The following POU6F2 variants were observed in gnomAD, a reference collection of about 807,000 sequenced individuals.
POU6F2 encodes POU class 6 homeobox 2, also known as POU domain, class 6, transcription factor 2.
Under a neutral mutation model 71.3 loss-of-function variants are expected in POU6F2, and 31 were observed. That is an observed-to-expected ratio of 0.43 (90% CI 0.33 to 0.59). POU6F2 has a LOEUF of 0.59. Ranked by LOEUF, POU6F2 falls within the 20% of genes least tolerant of loss-of-function variation. POU6F2 has a pLI of 0.04. For synonymous variants in POU6F2, 347 were observed against 355.7 expected (o/e 0.98, Z 0.27); for missense variants, 783 against 856.8 (o/e 0.91, Z 1.07).
In POU6F2 at chr7:39,406,594, T is replaced by G; in HGVS notation, c.973-6T>G. 3 of 1,612,406 alleles carry G rather than the reference T, an allele frequency of 1.9e-6. No homozygotes were observed. The highest frequency in any genetic ancestry group is 2.5e-6 in the Non-Finnish European group (3 of 1,179,680). ...GTTTTCACGGTGATCTTTTCTCTCTTTGCAGCTGGTTAATAATCCACTAGC... is the reference window on the plus strand; with the variant it reads ...GTTTTCACGGTGATCTTTTCTCTCTGTGCAGCTGGTTAATAATCCACTAGC... On this transcript the variant is annotated splice_polypyrimidine_tract_variant and splice_region_variant and intron_variant, in intron 5 of 9. Coordinates refer to ENST00000518318, the MANE Select transcript of POU6F2 (RefSeq NM_001370959.1).
chr7:39,105,321 T>C (rs920410904), intron 2 of POU6F2, among the ~76,000 whole-genome samples: 7 of 152,200 alleles, frequency 4.6e-5, no homozygotes, highest in African/African-American at 1.7e-4. Flanking sequence ...GTTGGTGTGT[T>C]TGAAGATATT....
At chr7:39,186,408 G>C (rs1284280586) in intron 2 of POU6F2, among the ~76,000 whole-genome samples, 1 of 152,136 alleles carries the variant, frequency 6.6e-6, no homozygotes, top group African/African-American at 2.4e-5. Flanking sequence ...TACCTCCCTG[G>C]TGGCTGTCTC....
intron 4 of POU6F2, among the ~76,000 whole-genome samples, chr7:39,329,934 A>G (rs1273332621): frequency 6.6e-6 from 1 of 152,254 alleles, no homozygotes; most frequent in East Asian, 1.9e-4. Flanking sequence ...ATTTGCTGTT[A>G]TAATATAAAA....
chr7:39,398,141 A>G (rs1231454025), intron 5 of POU6F2, among the ~76,000 whole-genome samples: 2 of 152,052 alleles, frequency 1.3e-5, no homozygotes, highest in African/African-American at 2.4e-5. Flanking sequence ...AGGTAGAGAG[A>G]TTTTCAACTC....
chr7:39,428,753 C>A (rs1396096801), intron 6 of POU6F2, among the ~76,000 whole-genome samples: 2 of 151,484 alleles, frequency 1.3e-5, no homozygotes, highest in Non-Finnish European at 2.9e-5. Flanking sequence ...ACAGAATAGC[C>A]CCATTTCAGC....
chr7:39,455,840 T>C (rs1788788602), intron 8 of POU6F2, among the ~76,000 whole-genome samples: 1 of 152,216 alleles, frequency 6.6e-6, no homozygotes, highest in East Asian at 1.9e-4. Flanking sequence ...AGGTTTGTTT[T>C]CACACAGTTT....
chr7:39,337,368 T>C (rs112140804), intron 4 of POU6F2, among the ~76,000 whole-genome samples: 1 of 152,354 alleles, frequency 6.6e-6, no homozygotes, highest in Middle Eastern at 3.4e-3. Flanking sequence ...CATTTAACAT[T>C]GGCCTATGTC....
At chr7:39,413,935 A>G (rs1054991602) in intron 6 of POU6F2, among the ~76,000 whole-genome samples, 2 of 152,200 alleles carry the variant, frequency 1.3e-5, no homozygotes, top group African/African-American at 4.8e-5. Context: ...GAAAATAACG[A>G]GCCCCTCAAG....
intron 1 of POU6F2, among the ~76,000 whole-genome samples, chr7:39,037,573 G>A (rs1046861846): frequency 2.0e-5 from 3 of 151,924 alleles, no homozygotes; most frequent in Non-Finnish European, 4.4e-5. Context: ...TCACTTTCTA[G>A]TAACATTTGC....
chr7:39,003,196 A>G (rs1053213522), intron 1 of POU6F2, among the ~76,000 whole-genome samples: 1 of 152,192 alleles, frequency 6.6e-6, no homozygotes, highest in Non-Finnish European at 1.5e-5. Flanking sequence ...GCCATCAAGG[A>G]CATACTAAAA....
intron 1 of POU6F2, among the ~76,000 whole-genome samples, chr7:39,060,807 C>T (rs28639417): frequency 0.076 from 11,485 of 151,952 alleles, 518 homozygotes; most frequent in African/African-American, 0.13. Flanking sequence ...GGTATGGTGC[C>T]GCATGCCTGT....
At chr7:39,185,857 GTATATATGTA>G (rs1793528349) in intron 2 of POU6F2, among the ~76,000 whole-genome samples, 1 of 129,194 alleles carries the variant, frequency 7.7e-6, no homozygotes, top group African/African-American at 3.1e-5. Flanking sequence ...ATATGTATGT[GTATATATGTA>G]TATATGTATA....
At chr7:39,380,623 A>G (rs1786809467) in intron 5 of POU6F2, among the ~76,000 whole-genome samples, 5 of 152,206 alleles carry the variant, frequency 3.3e-5, no homozygotes, top group Admixed American at 1.3e-4. Flanking sequence ...AAGTCACCTC[A>G]TTATAAATTG....
intron 4 of POU6F2, among the ~76,000 whole-genome samples, chr7:39,229,331 G>A (rs1794530123): frequency 6.6e-6 from 1 of 152,310 alleles, no homozygotes; most frequent in Non-Finnish European, 1.5e-5. Flanking sequence ...TTTGTTTCCC[G>A]ACCTCGGACT....
chr7:39,132,235 T>C (rs1322393972), intron 2 of POU6F2: 3 of 152,210 alleles, frequency 2.0e-5, no homozygotes, highest in Non-Finnish European at 4.4e-5. Flanking sequence ...ACTACAGCAA[T>C]AGAAGAGCAT....
At chr7:39,022,334 T>G (rs1415796213) in intron 1 of POU6F2, among the ~76,000 whole-genome samples, 1 of 152,108 alleles carries the variant, frequency 6.6e-6, no homozygotes, top group African/African-American at 2.4e-5. Flanking sequence ...TTAATTTTCT[T>G]CAGTTTCCTA....
intron 2 of POU6F2, among the ~76,000 whole-genome samples, chr7:39,185,630 C>T (rs559303510): frequency 6.6e-6 from 1 of 152,152 alleles, no homozygotes; most frequent in Admixed American, 6.5e-5. Flanking sequence ...GATCCTCTTT[C>T]AGGTGATCTC....
At chr7:39,449,594 G>C (rs1459219130) in intron 7 of POU6F2, among the ~76,000 whole-genome samples, 1 of 151,956 alleles carries the variant, frequency 6.6e-6, no homozygotes, top group Non-Finnish European at 1.5e-5. Context: ...TCCACTCCTA[G>C]GTATTTACAT....
In POU6F2 at chr7:39,342,900, C is replaced by G. The variant is rs142883861; in HGVS notation, c.972+2885C>G. 2.9e-3 allele frequency among the ~76,000 whole-genome samples: 448 copies of G among 152,298 alleles called. 2 individuals are homozygous for G. Among genetic ancestry groups the G allele is most frequent in the African/African-American group, 0.01 (432 of 41,560 alleles). On this transcript the variant is annotated intron_variant, in intron 5 of 9. Coordinates refer to ENST00000518318, the MANE Select transcript of POU6F2 (RefSeq NM_001370959.1). The stretch of plus-strand genomic sequence containing the variant: ...AAGTTGTTTTAAGATAGATAGGAGT[C>G]TAAAGTATTATCCTTTCAGAGACGC...
Sources: allele counts gnomAD v4.1 joint callset (sites outside exome capture counted in the v4.1 genomes callset), GRCh38; gene constraint gnomAD v4.1.1; transcripts MANE v1.5; gene names NCBI Gene and HGNC (gene_info 2026-07-23, HGNC 2026-07-21).